DPH6: variants seen among roughly 807,000 people sequenced by gnomAD.
DPH6 encodes the protein diphthine--ammonia ligase.
DPH6 carries 33 observed loss-of-function variants against 38.2 expected under a neutral mutation model. The ratio of observed to expected loss-of-function variants is 0.86; its 90% CI spans 0.65 to 1.15. The LOEUF (loss-of-function observed/expected upper bound fraction) is 1.15, where lower values mean the gene tolerates loss of function less well. Ranked by LOEUF, DPH6 falls within the 50% of genes most tolerant of loss-of-function variation. The pLI is 0.00. For missense variants in DPH6, 325 were observed against 320.0 expected (o/e 1.02, Z -0.12); for synonymous variants, 108 against 103.0 (o/e 1.05, Z -0.30).
chr15:35,163,508 C>T, the DPH6 span, among the ~76,000 whole-genome samples: 8 of 151,808 alleles, frequency 5.3e-5, no homozygotes, highest in Non-Finnish European at 1.0e-4. Flanking sequence ...TAAAAATGTA[C>T]TAATGCAAAT....
intron 6 of DPH6, among the ~76,000 whole-genome samples, chr15:35,401,998 G>A (rs1489166339): frequency 6.6e-6 from 1 of 152,204 alleles, no homozygotes; most frequent in Non-Finnish European, 1.5e-5. Flanking sequence ...TCTGTGGAAA[G>A]TGTAAAGCAT....
the DPH6 span, among the ~76,000 whole-genome samples, chr15:35,190,163 T>C: frequency 6.6e-6 from 1 of 152,232 alleles, no homozygotes; most frequent in Admixed American, 6.5e-5. Flanking sequence ...CTGTGCTCCC[T>C]TTGGCAGTTC....
At chr15:35,378,462 C>A (rs1019241499) in intron 7 of DPH6, among the ~76,000 whole-genome samples, 1 of 152,182 alleles carries the variant, frequency 6.6e-6, no homozygotes, top group Non-Finnish European at 1.5e-5. Flanking sequence ...TTTGACGCAG[C>A]AATCCCATTA....
the DPH6 span, among the ~76,000 whole-genome samples, chr15:35,167,672 T>G: frequency 6.6e-6 from 1 of 151,828 alleles, no homozygotes; most frequent in Non-Finnish European, 1.5e-5. Context: ...TTTAATAGAA[T>G]GAACCATTTA....
intron 3 of DPH6, among the ~76,000 whole-genome samples, chr15:35,286,149 A>G (rs1007931603): frequency 6.6e-6 from 1 of 152,132 alleles, no homozygotes; most frequent in Non-Finnish European, 1.5e-5. Context: ...GAGTTTCATC[A>G]CAGACTAGGT....
At chr15:35,431,136 C>A (rs954913661) in intron 5 of DPH6, among the ~76,000 whole-genome samples, 21 of 152,050 alleles carry the variant, frequency 1.4e-4, no homozygotes, top group African/African-American at 4.1e-4. Context: ...ACCCAAGATT[C>A]TTCTTTGTCA....
the DPH6 span, among the ~76,000 whole-genome samples, chr15:35,165,744 TA>T: frequency 2.0e-5 from 3 of 152,090 alleles, no homozygotes; most frequent in African/African-American, 7.2e-5. Flanking sequence ...TTGTGATCAG[TA>T]ATTAGAAGAC....
chr15:35,255,044 T>C (rs1213193887), intron 3 of DPH6, among the ~76,000 whole-genome samples: 2 of 152,188 alleles, frequency 1.3e-5, no homozygotes, highest in Non-Finnish European at 2.9e-5. Flanking sequence ...CTTTAGGCCA[T>C]CTGGATGTAT....
chr15:35,450,792 A>G lies in DPH6; in HGVS notation c.398T>C (p.Leu133Pro). The change falls in exon 5 of 9, where the codon CTT becomes CCT. Residue 133 changes from leucine to proline, a missense_variant. Coordinates refer to ENST00000256538, the MANE Select transcript of DPH6 (RefSeq NM_080650.4). ...RIRVENVCKR[L>P]NLQPLAYLWQ... ...AAGATAAGCTAAAGGCTGGAGATTA[A>G]GCCTTTTACACCTACAAAAGAAAAA... The G allele has an allele frequency of 6.2e-7, 1 of 1,607,492 alleles. No individual in the cohort carries two copies. The highest frequency in any genetic ancestry group is 1.1e-5 in the South Asian group (1 of 89,840).
At chr15:35,437,431 T>A (rs2053731288) in intron 5 of DPH6, among the ~76,000 whole-genome samples, 1 of 152,210 alleles carries the variant, frequency 6.6e-6, no homozygotes, top group Admixed American at 6.5e-5. Context: ...CTTAAACTGG[T>A]TGGCTTGGGA....
At chr15:35,201,312 T>C in the DPH6 span, among the ~76,000 whole-genome samples, 3 of 151,868 alleles carry the variant, frequency 2.0e-5, no homozygotes, top group Non-Finnish European at 4.4e-5. Context: ...GGGTTAGTTT[T>C]ATGTTTATCT....
chr15:35,321,292 T>C (rs2052238438), intron 3 of DPH6, among the ~76,000 whole-genome samples: 1 of 152,236 alleles, frequency 6.6e-6, no homozygotes, highest in Non-Finnish European at 1.5e-5. Context: ...AGCCAGCTTG[T>C]AAGGCTAGAA....
At position 35,510,545 on chromosome 15, in the gene DPH6, T is replaced by C. The variant is rs12440079; in HGVS notation, c.312+27729A>G. ...CAGTTGTCCATGATTCTTCTAGTGGTAACCATAGGGATGAGGAAGGATAAA... is the reference window on the plus strand; with the variant it reads ...CAGTTGTCCATGATTCTTCTAGTGGCAACCATAGGGATGAGGAAGGATAAA... On this transcript the variant is annotated intron_variant, in intron 3 of 8. Coordinates refer to ENST00000256538, the MANE Select transcript of DPH6 (RefSeq NM_080650.4). Among the ~76,000 whole-genome samples, 594 of 152,326 alleles carry C rather than the reference T, an allele frequency of 3.9e-3. 23 individuals are homozygous for C. The highest frequency in any genetic ancestry group is 0.036 in the Admixed American group (546 of 15,284).
intron 3 of DPH6, among the ~76,000 whole-genome samples, chr15:35,292,287 C>A (rs539962192): frequency 2.0e-5 from 3 of 152,244 alleles, no homozygotes; most frequent in African/African-American, 7.2e-5. Flanking sequence ...CCACATACCA[C>A]AAATGTAAAT....
intron 3 of DPH6, among the ~76,000 whole-genome samples, chr15:35,314,486 A>G (rs1039588435): frequency 1.3e-5 from 2 of 152,210 alleles, no homozygotes; most frequent in Non-Finnish European, 2.9e-5. Flanking sequence ...TGCAACATCA[A>G]CAACGCATTT....
intron 3 of DPH6, among the ~76,000 whole-genome samples, chr15:35,223,332 T>G (rs986377238): frequency 2.0e-5 from 3 of 152,144 alleles, no homozygotes; most frequent in Non-Finnish European, 4.4e-5. Context: ...TGTCCATTGA[T>G]GAGGGTGGAG....
chr15:35,310,629 T>C (rs1433816674), intron 3 of DPH6, among the ~76,000 whole-genome samples: 1 of 152,146 alleles, frequency 6.6e-6, no homozygotes, highest in East Asian at 1.9e-4. Flanking sequence ...GTCACATATA[T>C]ATAAATTTCT....
intron 5 of DPH6, among the ~76,000 whole-genome samples, chr15:35,417,326 T>C (rs1446929993): frequency 6.6e-6 from 1 of 152,048 alleles, no homozygotes. Flanking sequence ...TATGAAGCTC[T>C]AAGATTTTAG....
downstream of DPH6, among the ~76,000 whole-genome samples, chr15:35,369,203 A>G (rs961826763): frequency 2.4e-4 from 37 of 151,994 alleles, no homozygotes; most frequent in African/African-American, 8.4e-4. Flanking sequence ...AAAGGCCAAC[A>G]GCAGTTCATC....
Sources: gnomAD v4.1 joint callset for allele counts (sites outside exome capture counted in the v4.1 genomes callset) on GRCh38, gnomAD v4.1.1 for gene constraint, MANE v1.5 for transcripts, NCBI Gene and HGNC (gene_info 2026-07-23, HGNC 2026-07-21) for gene names.